Variants in CASD1 observed in about 807,000 individuals in gnomAD.
CASD1 encodes the protein CAS1 domain sialic acid O acetyltransferase 1, also known as N-acetylneuraminate (7)9-O-acetyltransferase.
Under a neutral mutation model 100.0 loss-of-function variants are expected in CASD1, and 41 were observed. That is an observed-to-expected ratio of 0.41 (90% CI 0.32 to 0.53). The LOEUF is 0.53. CASD1 is among the 20% of genes least tolerant of loss of function. CASD1 has a pLI of 0.25. For synonymous variants in CASD1, 321 were observed against 315.6 expected (o/e 1.02, Z -0.18); for missense variants, 774 against 948.7 (o/e 0.82, Z 2.42).
intron 4 of CASD1, among the ~76,000 whole-genome samples, chr7:94,527,953 G>A (rs1335598761): frequency 1.3e-5 from 2 of 152,188 alleles, no homozygotes; most frequent in African/African-American, 4.8e-5. Flanking sequence ...TCAGATTTAA[G>A]TTTTTAAAAG....
the CASD1 span, chr7:94,599,635 T>A: frequency 7.7e-7 from 1 of 1,305,082 alleles, no homozygotes; most frequent in Non-Finnish European, 1.1e-6. Flanking sequence ...GTATGGAGCA[T>A]GATGGGCAAC....
the CASD1 span, chr7:94,597,992 A>G: frequency 6.0e-6 from 1 of 167,954 alleles, no homozygotes; most frequent in Non-Finnish European, 1.3e-5. Flanking sequence ...GGGCAACAGG[A>G]GCGAAACTCC....
At position 94,539,248 on chromosome 7, in the gene CASD1, T is replaced by A. The variant is rs533722055; in HGVS notation, c.1356+192T>A. On this transcript the variant is annotated intron_variant, in intron 10 of 17. Transcript: ENST00000297273. Reference sequence around the variant, plus strand: ...GTAATTTTCAAAGCAAAATTTTTTTTAAAAAAGATAAGGCAATAATTGCTT... The same window carrying A: ...GTAATTTTCAAAGCAAAATTTTTTTAAAAAAAGATAAGGCAATAATTGCTT... 1.2e-4 allele frequency among the ~76,000 whole-genome samples: 18 copies of A among 152,328 alleles called. No individual in the cohort carries two copies. In the South Asian group the frequency reaches 1.2e-3, roughly 11 times the overall value.
chr7:94,537,199 G>A (rs532424218), intron 8 of CASD1, among the ~76,000 whole-genome samples: 54 of 152,048 alleles, frequency 3.6e-4, no homozygotes, highest in African/African-American at 9.2e-4. Flanking sequence ...ATTCCAAGTC[G>A]TAAGGATAGG....
the CASD1 span, among the ~76,000 whole-genome samples, chr7:94,570,931 G>A: frequency 4.0e-4 from 61 of 151,972 alleles, no homozygotes; most frequent in African/African-American, 1.4e-3. Flanking sequence ...TTGAGTTACT[G>A]TTGAGAGTCC....
chr7:94,553,076 T>C, intron 16 of CASD1: 2 of 389,370 alleles, frequency 5.1e-6, no homozygotes, highest in Non-Finnish European at 9.9e-6. Context: ...TGCAATACTT[T>C]AATTATAATA....
chr7:94,628,212 G>C, the CASD1 span: 2 of 1,610,420 alleles, frequency 1.2e-6, no homozygotes, highest in African/African-American at 2.7e-5. Flanking sequence ...CTCAATGATT[G>C]TTGGCTTCCC....
chr7:94,611,686 A>C, the CASD1 span, among the ~76,000 whole-genome samples: 25 of 152,156 alleles, frequency 1.6e-4, no homozygotes, highest in Non-Finnish European at 3.1e-4. Flanking sequence ...ATTTTTTTAA[A>C]ATGAAATGAA....
At chr7:94,603,226 G>C in the CASD1 span, 1 of 1,341,196 alleles carries the variant, frequency 7.5e-7, no homozygotes, top group Non-Finnish European at 1.1e-6. Flanking sequence ...TCAGGTTTTA[G>C]TCAAACGTTA....
At chr7:94,545,797 G>A in intron 12 of CASD1, 96 bp downstream of exon 12, 1 of 701,836 alleles carries the variant, frequency 1.4e-6, no homozygotes, top group Non-Finnish European at 2.2e-6. Context: ...ATTAAGTGAT[G>A]TAGACAGTTT....
chr7:94,533,320 T>A (rs1794944103), intron 6 of CASD1, 71 bp downstream of exon 6: 1 of 1,291,192 alleles, frequency 7.7e-7, no homozygotes, highest in Non-Finnish European at 1.1e-6. Flanking sequence ...AAAAAGTTAA[T>A]TTGTGTTCAG....
At chr7:94,617,200 T>C in the CASD1 span, 1 of 152,226 alleles carries the variant, frequency 6.6e-6, no homozygotes, top group African/African-American at 2.4e-5. Flanking sequence ...TAATGTTCTA[T>C]TGGCAATTTT....
At chr7:94,522,815 G>A (rs1388856340) in intron 3 of CASD1, among the ~76,000 whole-genome samples, 4 of 151,870 alleles carry the variant, frequency 2.6e-5, no homozygotes, top group East Asian at 1.9e-4. Context: ...CTGCCACCAC[G>A]CCCAGCTAAT....
rs1203617996 is a variant in CASD1, at chr7:94,555,786, T to G, written c.*28T>G. The G allele has an allele frequency of 6.3e-7, 1 of 1,593,094 alleles. No individual in the cohort carries two copies. The highest frequency in any genetic ancestry group is 8.5e-7 in the Non-Finnish European group (1 of 1,170,504). On this transcript the variant is annotated 3_prime_UTR_variant, in exon 18 of 18. Transcript: ENST00000297273. ...TCCAAAAATTCTAAAAAACCTAAACTCTTCAGGCTACCTTTGTGTGTCTCT... is the reference window on the plus strand; with the variant it reads ...TCCAAAAATTCTAAAAAACCTAAACGCTTCAGGCTACCTTTGTGTGTCTCT...
chr7:94,509,978 GCTGGCGGCCGCTCCTCGC>G lies in CASD1; in HGVS notation c.-101_-84del. 5.6e-6 allele frequency: 7 copies of G among 1,239,434 alleles called. No homozygotes were observed. The highest frequency in any genetic ancestry group is 7.1e-6 in the Non-Finnish European group (7 of 982,406). 76.8% of individuals were successfully genotyped at this position (1,239,434 alleles called of 1,614,324 possible). A position where few individuals can be genotyped will look rare whatever the true frequency, so the allele number is the denominator to read the frequency against. On this transcript the variant is annotated 5_prime_UTR_variant, in exon 1 of 18. Coordinates refer to ENST00000297273, the MANE Select transcript of CASD1 (RefSeq NM_022900.5). ...GGAGGCGCAGGTGGCGGCCTGGGGA[GCTGGCGGCCGCTCCTCGC>G]CTGGCTGCAGCGGCGGCAGCCCCAG...
chr7:94,515,452 G>A (rs1270085493), intron 1 of CASD1, among the ~76,000 whole-genome samples: 1 of 150,730 alleles, frequency 6.6e-6, no homozygotes, highest in East Asian at 1.9e-4. Flanking sequence ...TCAGATTAGA[G>A]CTATTGTTTT....
At chr7:94,622,953 AT>A in the CASD1 span, among the ~76,000 whole-genome samples, 66 of 151,974 alleles carry the variant, frequency 4.3e-4, no homozygotes, top group African/African-American at 1.5e-3. Context: ...GTTAGTAATT[AT>A]TTTTTTTGAG....
At chr7:94,546,427 T>C (rs1446192578) in intron 12 of CASD1, among the ~76,000 whole-genome samples, 4 of 151,942 alleles carry the variant, frequency 2.6e-5, no homozygotes, top group Non-Finnish European at 4.4e-5. Flanking sequence ...AACTTGACTC[T>C]TTCAACCAAA....
At chr7:94,623,573 G>A in the CASD1 span, 17 of 580,526 alleles carry the variant, frequency 2.9e-5, no homozygotes, top group South Asian at 9.6e-5. Context: ...CAATATTATG[G>A]GAAAATAAAT....
Sources: gnomAD v4.1 joint callset for allele counts (sites outside exome capture counted in the v4.1 genomes callset) on GRCh38, gnomAD v4.1.1 for gene constraint, MANE v1.5 for transcripts, NCBI Gene and HGNC (gene_info 2026-07-23, HGNC 2026-07-21) for gene names.